Variants in QTMAN observed in about 807,000 individuals in gnomAD.
QTMAN encodes tRNA-queuosine alpha-mannosyltransferase.
chr2:144,168,703 ATT>A, the QTMAN span, among the ~76,000 whole-genome samples: 1 of 152,192 alleles, frequency 6.6e-6, no homozygotes, highest in East Asian at 1.9e-4. Flanking sequence ...TTGGCTGATT[ATT>A]TTCTTTTTTC....
the QTMAN span, among the ~76,000 whole-genome samples, chr2:144,326,295 TAC>T: frequency 6.6e-6 from 1 of 152,074 alleles, no homozygotes; most frequent in African/African-American, 2.4e-5. Context: ...CAATTTAAAA[TAC>T]ACAGACTCAG....
chr2:144,177,492 A>T, the QTMAN span, among the ~76,000 whole-genome samples: 1 of 152,164 alleles, frequency 6.6e-6, no homozygotes, highest in African/African-American at 2.4e-5. Flanking sequence ...CTAGAAATAG[A>T]TACAAATGCA....
chr2:144,122,627 C>T, the QTMAN span, among the ~76,000 whole-genome samples: 9 of 152,090 alleles, frequency 5.9e-5, no homozygotes, highest in African/African-American at 2.2e-4. Flanking sequence ...CTACCACAAC[C>T]CTCCAAAAAA....
the QTMAN span, chr2:144,211,093 C>A: frequency 6.6e-6 from 1 of 152,116 alleles, no homozygotes; most frequent in African/African-American, 2.4e-5. Context: ...CATGATTAAT[C>A]TAAAGTACAT....
At chr2:144,243,789 T>A in the QTMAN span, among the ~76,000 whole-genome samples, 3 of 152,242 alleles carry the variant, frequency 2.0e-5, no homozygotes, top group Admixed American at 6.5e-5. Context: ...TCTTTAATAA[T>A]ATAAACTATA....
At chr2:144,121,046 G>A in the QTMAN span, among the ~76,000 whole-genome samples, 2 of 152,150 alleles carry the variant, frequency 1.3e-5, no homozygotes, top group East Asian at 3.8e-4. Flanking sequence ...AAGACTCAGT[G>A]TAAGCTGTCT....
At chr2:144,238,471 T>C in the QTMAN span, among the ~76,000 whole-genome samples, 4 of 152,076 alleles carry the variant, frequency 2.6e-5, no homozygotes, top group African/African-American at 4.8e-5. Context: ...TTAAGTAGCA[T>C]GTGATACATC....
At chr2:144,095,958 T>G in the QTMAN span, among the ~76,000 whole-genome samples, 1 of 152,126 alleles carries the variant, frequency 6.6e-6, no homozygotes, top group Non-Finnish European at 1.5e-5. Flanking sequence ...TCACTCTCCC[T>G]TGAAGCAGTC....
the QTMAN span, among the ~76,000 whole-genome samples, chr2:144,162,956 C>T: frequency 1.3e-5 from 2 of 152,080 alleles, no homozygotes; most frequent in Admixed American, 1.3e-4. Context: ...GAAGAGACAG[C>T]AGTAAATAGA....
At chr2:144,000,987 CTATTA>C in the QTMAN span, among the ~76,000 whole-genome samples, 1 of 151,900 alleles carries the variant, frequency 6.6e-6, no homozygotes. Context: ...CCAAAGTATT[CTATTA>C]TAAGGTAATG....
chr2:143,962,225 G>C, the QTMAN span, among the ~76,000 whole-genome samples: 1 of 152,112 alleles, frequency 6.6e-6, no homozygotes, highest in Non-Finnish European at 1.5e-5. Context: ...TAGATGCCAT[G>C]AAACAATAGG....
At chr2:143,954,596 G>T in the QTMAN span, among the ~76,000 whole-genome samples, 2 of 151,850 alleles carry the variant, frequency 1.3e-5, no homozygotes, top group Non-Finnish European at 2.9e-5. Flanking sequence ...GTTAGTCATG[G>T]TTATATTTCT....
the QTMAN span, among the ~76,000 whole-genome samples, chr2:144,038,752 T>C: frequency 6.6e-6 from 1 of 152,228 alleles, no homozygotes; most frequent in Non-Finnish European, 1.5e-5. Context: ...ATATGAAATT[T>C]AATGTGGATC....
At chr2:143,981,419 TAAC>T in the QTMAN span, among the ~76,000 whole-genome samples, 1 of 152,214 alleles carries the variant, frequency 6.6e-6, no homozygotes, top group Non-Finnish European at 1.5e-5. Context: ...CAATTCTTAA[TAAC>T]AGGTTTTCAT....
the QTMAN span, among the ~76,000 whole-genome samples, chr2:144,285,141 T>C: frequency 1.2e-4 from 19 of 152,092 alleles, no homozygotes; most frequent in African/African-American, 4.6e-4. Context: ...AAAAAGTTGA[T>C]TGGTAGCTGG....
At chr2:144,232,677 T>C in the QTMAN span, among the ~76,000 whole-genome samples, 1 of 152,214 alleles carries the variant, frequency 6.6e-6, no homozygotes, top group Non-Finnish European at 1.5e-5. Flanking sequence ...AACTAATTTT[T>C]AAAATAGATC....
At chr2:144,020,927 C>T in the QTMAN span, among the ~76,000 whole-genome samples, 1 of 148,542 alleles carries the variant, frequency 6.7e-6, no homozygotes, top group African/African-American at 2.5e-5. Context: ...AATAAATAAT[C>T]GATGGAAGGG....
chr2:144,244,919 G>A, the QTMAN span, among the ~76,000 whole-genome samples: 1 of 152,194 alleles, frequency 6.6e-6, no homozygotes, highest in African/African-American at 2.4e-5. Flanking sequence ...GCTTAAGAAT[G>A]AAGAGATACA....
the QTMAN span, chr2:143,940,368 G>A: frequency 6.6e-6 from 1 of 152,134 alleles, no homozygotes; most frequent in African/African-American, 2.4e-5. Context: ...TACTTATATT[G>A]TACTTGATTA....
Sources: allele counts gnomAD v4.1 joint callset (sites outside exome capture counted in the v4.1 genomes callset), GRCh38; gene constraint gnomAD v4.1.1; transcripts MANE v1.5; gene names NCBI Gene and HGNC (gene_info 2026-07-23, HGNC 2026-07-21).